RGL2: variants seen among roughly 807,000 people sequenced by gnomAD.
RGL2 encodes ral guanine nucleotide dissociation stimulator like 2.
A neutral mutation model predicts 84.6 loss-of-function variants in RGL2; 40 were observed. That is an observed-to-expected ratio of 0.47 (90% confidence interval 0.37 to 0.62). The LOEUF (loss-of-function observed/expected upper bound fraction) is 0.62, where lower values mean the gene tolerates loss of function less well. Among genes scored for constraint, RGL2 ranks in the 20% least tolerant of loss-of-function variants. The probability of loss-of-function intolerance (pLI) is 0.00; values close to 1 mark genes in which losing one functional copy is unlikely to be tolerated. For missense variants in RGL2, 865 were observed against 1,019.7 expected (o/e 0.85, Z 2.07); for synonymous variants, 369 against 417.3 (o/e 0.88, Z 1.41).
rs1489218091 is a variant in RGL2 at position 33,298,112 on chromosome 6, C to G, written c.156+343G>C. ...ACTGTGGAAACAAACCCCTCCCCGC[C>G]AAACAAAAACAAGGAGGGAGACAGG... On this transcript the variant is annotated intron_variant, in intron 2 of 17. Coordinates refer to ENST00000497454, the MANE Select transcript of RGL2 (RefSeq NM_004761.5). The surrounding 1 kb of genome is among the most constrained non-coding windows in gnomAD (Gnocchi z 4.8). The G allele has an allele frequency of 5.1e-6, 1 of 195,602 alleles. No homozygotes were observed. Among genetic ancestry groups the G allele is most frequent in the African/African-American group, 2.3e-5 (1 of 42,964 alleles). 12.1% of individuals were successfully genotyped at this position (195,602 alleles called of 1,614,324 possible).
At position 33,297,430 on chromosome 6, in the gene RGL2, A is replaced by G. The variant is rs1768090683; in HGVS notation, c.157-315T>C. On this transcript the variant is annotated intron_variant, in intron 2 of 17. Transcript: ENST00000497454. This position sits in a 1 kb window ranked among gnomAD's most constrained non-coding sequence, Gnocchi z 4.0. ...CTCCCCAGAGCTGAACCCACACACG[A>G]CAGAGAAGCAGGGTACAAAGGGCAG... The G allele has an allele frequency of 2.8e-6, 1 of 352,098 alleles. No homozygotes were observed. Among genetic ancestry groups the G allele is most frequent in the East Asian group, 4.4e-5 (1 of 22,514 alleles). The allele number at this position is 352,098 out of a possible 1,614,324, so 21.8% of individuals were successfully genotyped here.
Position 33,296,962 on chromosome 6 carries a change from G to A in RGL2, c.240+70C>T. On this transcript the variant is annotated intron_variant, in intron 3 of 17. Coordinates refer to ENST00000497454, the MANE Select transcript of RGL2 (RefSeq NM_004761.5). The surrounding 1 kb of genome is among the most constrained non-coding windows in gnomAD (Gnocchi z 5.0). ...GAACTCCAACCTAGCACTCTGGCCA[G>A]AAAGTCAGCCAGAGGAAGGAAAACT... 1 of 1,558,270 alleles carries A rather than the reference G, an allele frequency of 6.4e-7. No individual in the cohort carries two copies. The highest frequency in any genetic ancestry group is 8.8e-7 in the Non-Finnish European group (1 of 1,130,524).
Position 33,296,406 on chromosome 6 carries a change from T to C in RGL2, c.470+8A>G, listed in dbSNP as rs1767962832. Reference sequence around the variant, plus strand: ...GGACTGTGAGATTAAGAACCAGGGGTCACTCACTCTGTTGTCCTCTCTAGT... The same window carrying C: ...GGACTGTGAGATTAAGAACCAGGGGCCACTCACTCTGTTGTCCTCTCTAGT... On this transcript the variant is annotated splice_region_variant and intron_variant, in intron 5 of 17. Coordinates refer to ENST00000497454, the MANE Select transcript of RGL2 (RefSeq NM_004761.5). The surrounding 1 kb of genome is among the most constrained non-coding windows in gnomAD (Gnocchi z 5.0). The C allele has an allele frequency of 2.5e-6, 4 of 1,610,078 alleles. No individual in the cohort carries two copies. Among genetic ancestry groups the C allele is most frequent in the Non-Finnish European group, 3.4e-6 (4 of 1,177,912 alleles).
rs748739759 is a variant in RGL2 at position 33,296,626 on chromosome 6, G to C, written c.391C>G (p.Pro131Ala). 6.2e-7 allele frequency: 1 copy of C among 1,613,848 alleles called. No homozygotes were observed. Among genetic ancestry groups the C allele is most frequent in the South Asian group, 1.1e-5 (1 of 91,070 alleles). The change falls in exon 4 of 18, where the codon CCT becomes GCT. Residue 131 changes from proline to alanine, a missense_variant. Coordinates refer to ENST00000497454, the MANE Select transcript of RGL2 (RefSeq NM_004761.5). The surrounding 1 kb of genome is among the most constrained non-coding windows in gnomAD (Gnocchi z 5.0). ...TCAGCCATAAGCCCTAGCAAGGCAG[G>C]CGTGGAGGTGAAGGCCCGGTGGGTA... ...LATHRAFTST[P>A]ALLGLMADRL... is the part of the protein sequence containing the mutation.
chr6:33,295,491 G>A lies in RGL2; in HGVS notation c.1020+17C>T. On this transcript the variant is annotated intron_variant, in intron 7 of 17. Transcript: ENST00000497454. This position sits in a 1 kb window ranked among gnomAD's most constrained non-coding sequence, Gnocchi z 7.2. The stretch of plus-strand genomic sequence containing the variant: ...CCATTCCATGGCCACAAACCGTAGG[G>A]CAATCTTCTCTCTCACCTCTGCCAC... 1.2e-6 allele frequency: 2 copies of A among 1,613,270 alleles called. No individual in the cohort carries two copies. The highest frequency in any genetic ancestry group is 1.1e-5 in the South Asian group (1 of 91,042).
Position 33,295,633 on chromosome 6 carries a change from C to T in RGL2, c.895G>A (p.Gly299Arg), listed in dbSNP as rs375046029. ...ATVTQFNKVA[G>R]AVVSSVLGAT... ...CCCAGGACAGAACTAACCACTGCCC[C>T]TGCCACCTTGTTAAACTGTGTGACA... The change falls in exon 7 of 18, where the codon GGG (glycine) becomes AGG (arginine). Residue 299 changes from glycine to arginine, a missense_variant. Physicochemically the swap from Gly to Arg is moderately radical, Grantham distance 125. This residue lies in a region of RGL2 where 455 missense variants were observed against 507.8 expected (regional missense o/e 0.90). Coordinates refer to ENST00000497454, the MANE Select transcript of RGL2 (RefSeq NM_004761.5). This position sits in a 1 kb window ranked among gnomAD's most constrained non-coding sequence, Gnocchi z 7.2. The T allele has an allele frequency of 3.7e-6, 6 of 1,613,990 alleles. No individual in the cohort carries two copies. Among genetic ancestry groups the T allele is most frequent in the East Asian group, 4.5e-5 (2 of 44,884 alleles).
chr6:33,293,445 T>C lies in RGL2; in HGVS notation c.1684A>G (p.Thr562Ala). 1 of 1,613,104 alleles carries C rather than the reference T, an allele frequency of 6.2e-7. No individual in the cohort carries two copies. Among genetic ancestry groups the C allele is most frequent in the Non-Finnish European group, 8.5e-7 (1 of 1,179,700 alleles). The change falls in exon 15 of 18, where the codon ACT becomes GCT. Residue 562 changes from threonine (T) to alanine (A), a missense_variant. By Grantham distance (58) the Thr-to-Ala change is moderately conservative. Coordinates refer to ENST00000497454, the MANE Select transcript of RGL2 (RefSeq NM_004761.5). This position sits in a 1 kb window ranked among gnomAD's most constrained non-coding sequence, Gnocchi z 7.0. ...PSTGGDEAPT[T>A]PAPLLTRLAQ... is the part of the protein sequence containing the mutation. ...AGCCGAGTCAGCAGAGGAGCAGGAG[T>C]TGTAGGCGCCTCATCTCCCCCAGTA...
rs144150638 is a variant in RGL2, at chr6:33,295,750, G to C, written c.778C>G (p.Leu260Val). Residue 260 changes from leucine (L) to valine (V), a missense_variant, in exon 7 of 18, where the codon CTC becomes GTC. By Grantham distance (32) the Leu-to-Val change is conservative. Transcript: ENST00000497454. This position sits in a 1 kb window ranked among gnomAD's most constrained non-coding sequence, Gnocchi z 7.2. ...QLTLLDAELF[L>V]NLIPSQCLGG... Reference sequence around the variant, plus strand: ...AGGCACTGAGAGGGGATCAAATTGAGAAAAAGTTCCTGCAGGGTAGAGGTC... The same window carrying C: ...AGGCACTGAGAGGGGATCAAATTGACAAAAAGTTCCTGCAGGGTAGAGGTC... 6.2e-7 allele frequency: 1 copy of C among 1,612,956 alleles called. No individual in the cohort carries two copies. The highest frequency in any genetic ancestry group is 8.5e-7 in the Non-Finnish European group (1 of 1,179,694).
chr6:33,293,479 G>A lies in RGL2; in HGVS notation c.1650C>T (p.Asp550=), dbSNP rs376020720. 1 of 1,614,148 alleles carries A rather than the reference G, an allele frequency of 6.2e-7. No homozygotes were observed. Among genetic ancestry groups the A allele is most frequent in the Non-Finnish European group, 8.5e-7 (1 of 1,180,000 alleles). The change falls in exon 15 of 18, where the codon GAC becomes GAT. Residue 550 remains aspartate, a synonymous_variant. Transcript: ENST00000497454. This position sits in a 1 kb window ranked among gnomAD's most constrained non-coding sequence, Gnocchi z 7.0. Reference sequence around the variant, plus strand: ...CCTCATCTCCCCCAGTACTGGGCCGGTCACAGGACACAAGCGGGGTAGGGA... The same window carrying A: ...CCTCATCTCCCCCAGTACTGGGCCGATCACAGGACACAAGCGGGGTAGGGA... The part of the protein sequence containing the change: ...VGVPTPLVSC[D]RPSTGGDEAP...
upstream of RGL2, chr6:33,299,745 C>G (rs1768402730): frequency 6.6e-6 from 1 of 152,218 alleles, no homozygotes; most frequent in African/African-American, 2.4e-5. The surrounding 1 kb of genome is among the most constrained non-coding windows in gnomAD (Gnocchi z 5.0). Context: ...ACCCGTTACC[C>G]CGTGGGTCTG....
At position 33,294,358 on chromosome 6, in the gene RGL2, C is replaced by T. The variant is rs1300382634; in HGVS notation, c.1354-292G>A. ...TTCCTTATCCAGAGAGGATAAGGAA[C>T]TTGTCCAAGGTCTCAGTATTTGTTT... On this transcript the variant is annotated intron_variant, in intron 11 of 17. Transcript: ENST00000497454. This position sits in a 1 kb window ranked among gnomAD's most constrained non-coding sequence, Gnocchi z 5.0. 1.3e-5 allele frequency among the ~76,000 whole-genome samples: 2 copies of T among 152,082 alleles called. No individual in the cohort carries two copies. Among genetic ancestry groups the T allele is most frequent in the Non-Finnish European group, 2.9e-5 (2 of 68,016 alleles).
In RGL2 at chr6:33,297,349, G is replaced by A; in HGVS notation, c.157-234C>T. 1 of 493,592 alleles carries A rather than the reference G, an allele frequency of 2.0e-6. No homozygotes were observed. Among genetic ancestry groups the A allele is most frequent in the Non-Finnish European group, 3.6e-6 (1 of 280,608 alleles). The allele number at this position is 493,592 out of a possible 1,614,324, so 30.6% of individuals were successfully genotyped here. A position where few individuals can be genotyped will look rare whatever the true frequency, so the allele number is the denominator to read the frequency against. ...CCCCGGTGGAGTCGAAGGGGCTGCAGTGGAGGCGTGGATGGAGTACAGGAA... is the reference window on the plus strand; with the variant it reads ...CCCCGGTGGAGTCGAAGGGGCTGCAATGGAGGCGTGGATGGAGTACAGGAA... On this transcript the variant is annotated intron_variant, in intron 2 of 17. Transcript: ENST00000497454. The surrounding 1 kb of genome is among the most constrained non-coding windows in gnomAD (Gnocchi z 4.0).
rs745905492 is a variant in RGL2 at position 33,296,148 on chromosome 6, G to T, written c.648C>A (p.Asp216Glu). Reference protein sequence around the residue: ...DLIRNLRSRVDPQAPDLPKPL... With the variant: ...DLIRNLRSRVEPQAPDLPKPL... ...GCTTAGGAAGGTCGGGGGCCTGGGG[G>T]TCCACCCGGGACCGGAGATTGCGGA... Residue 216 changes from aspartate (D) to glutamate (E), a missense_variant, in exon 6 of 18, where the codon GAC (aspartate) becomes GAA (glutamate). Around this residue, in one of 5 missense-constraint regions of RGL2, gnomAD observed 455 missense variants for 507.8 expected, o/e 0.90. Coordinates refer to ENST00000497454, the MANE Select transcript of RGL2 (RefSeq NM_004761.5). This position sits in a 1 kb window ranked among gnomAD's most constrained non-coding sequence, Gnocchi z 5.0. 1 of 1,613,916 alleles carries T rather than the reference G, an allele frequency of 6.2e-7. No individual in the cohort carries two copies. Among genetic ancestry groups the T allele is most frequent in the Non-Finnish European group, 8.5e-7 (1 of 1,179,978 alleles).
In RGL2 at chr6:33,293,272, G is replaced by C. The variant is rs1374931461; in HGVS notation, c.1751C>G (p.Ser584Cys). ...CAGGGATGGACTGCTTTCCAAGGCA[G>C]AGTCTAGTGACGAGACAGATGGCCA... ...MKWPSVSSLD[S>C]ALESSPSLHS... Residue 584 changes from serine to cysteine, a missense_variant, in exon 16 of 18, where the codon TCT becomes TGT. Transcript: ENST00000497454. The surrounding 1 kb of genome is among the most constrained non-coding windows in gnomAD (Gnocchi z 7.0). 2 of 1,545,366 alleles carry C rather than the reference G, an allele frequency of 1.3e-6. No homozygotes were observed. The highest frequency in any genetic ancestry group is 1.7e-6 in the Non-Finnish European group (2 of 1,147,506).
upstream of RGL2, chr6:33,300,336 A>AT (rs1307082657): frequency 6.5e-6 from 1 of 153,416 alleles, no homozygotes; most frequent in Non-Finnish European, 1.5e-5. Context: ...GGTTTGTGAG[A>AT]TTTTATAACA....
rs1768261184 is a variant in RGL2, at chr6:33,298,648, G to A, written c.-38C>T. On this transcript the variant is annotated 5_prime_UTR_variant, in exon 2 of 18. Transcript: ENST00000497454. The surrounding 1 kb of genome is among the most constrained non-coding windows in gnomAD (Gnocchi z 4.8). ...GAATCAGCGGGGTCGGGCCATGGGGGCGCCTGGGGAGAGACGGGGTGGGGT... is the reference window on the plus strand; with the variant it reads ...GAATCAGCGGGGTCGGGCCATGGGGACGCCTGGGGAGAGACGGGGTGGGGT... The A allele has an allele frequency of 4.3e-6, 6 of 1,407,336 alleles. No individual in the cohort carries two copies. The highest frequency in any genetic ancestry group is 3.7e-6 in the Non-Finnish European group (4 of 1,076,050). 87.2% of individuals were successfully genotyped at this position (1,407,336 alleles called of 1,614,324 possible). A position where few individuals can be genotyped will look rare whatever the true frequency, so the allele number is the denominator to read the frequency against.
chr6:33,296,187 G>GC lies in RGL2; in HGVS notation c.608dup (p.Ser204GlnfsTer3), dbSNP rs762949421. ...GGAGATTGCGGATGAGGTCAGCGCT[G>GC]CCCCCCCCAACACCCTTCCCTGCTG... On this transcript the variant is annotated frameshift_variant, in exon 6 of 18. Coordinates refer to ENST00000497454, the MANE Select transcript of RGL2 (RefSeq NM_004761.5). LOFTEE classifies it high-confidence loss of function. The surrounding 1 kb of genome is among the most constrained non-coding windows in gnomAD (Gnocchi z 5.0). 1.2e-4 allele frequency: 186 copies of GC among 1,612,712 alleles called. No individual in the cohort carries two copies. Among genetic ancestry groups the GC allele is most frequent in the South Asian group, 7.7e-5 (7 of 91,040 alleles).
chr6:33,296,879 G>T lies in RGL2; in HGVS notation c.241-103C>A. 1 of 1,538,850 alleles carries T rather than the reference G, an allele frequency of 6.5e-7. No homozygotes were observed. The highest frequency in any genetic ancestry group is 9.0e-7 in the Non-Finnish European group (1 of 1,113,028). On this transcript the variant is annotated intron_variant, in intron 3 of 17. Transcript: ENST00000497454. This position sits in a 1 kb window ranked among gnomAD's most constrained non-coding sequence, Gnocchi z 5.0. ...GGAGATGTTCCAGACTCATTTTTCT[G>T]ATATTCAGAGAGGGCAAGAGTCTTG...
chr6:33,299,367 G>C (rs1371574432), upstream of RGL2: 2 of 152,158 alleles, frequency 1.3e-5, no homozygotes, highest in Non-Finnish European at 2.9e-5. The surrounding 1 kb of genome is among the most constrained non-coding windows in gnomAD (Gnocchi z 5.0). Flanking sequence ...CACAACCCAC[G>C]AATGTAGCTG....
Sources: gnomAD v4.1 joint callset for allele counts (sites outside exome capture counted in the v4.1 genomes callset) on GRCh38, gnomAD v4.1.1 for gene constraint, gnomAD v4.1.1 regional missense constraint, Gnocchi (gnomAD v3.1) non-coding constraint, MANE v1.5 for transcripts, NCBI Gene and HGNC (gene_info 2026-07-23, HGNC 2026-07-21) for gene names.